RBM7: variants seen among roughly 807,000 people sequenced by gnomAD.
RBM7 encodes RNA binding motif protein 7, also known as RNA-binding protein 7.
A neutral mutation model predicts 31.0 loss-of-function variants in RBM7; 13 were observed. The observed-to-expected ratio is 0.42, with a 90% CI of 0.27 to 0.67. The LOEUF is 0.67. Among genes scored for constraint, RBM7 ranks in the 30% least tolerant of loss-of-function variants. The probability of loss-of-function intolerance (pLI) is 0.24; values close to 1 mark genes in which losing one functional copy is unlikely to be tolerated. For missense variants in RBM7, 245 were observed against 326.2 expected (o/e 0.75, Z 1.92); for synonymous variants, 106 against 111.2 (o/e 0.95, Z 0.30).
At chr11:114,407,218 G>A (rs1433033539) in intron 4 of RBM7, 5 of 407,530 alleles carry the variant, frequency 1.2e-5, no homozygotes, top group African/African-American at 6.1e-5. Flanking sequence ...TAGTCATTTT[G>A]TGTGACTTAT....
rs1331542936 is a variant in RBM7, at chr11:114,409,777, G to T, written c.*1970G>T. 6.6e-6 allele frequency: 1 copy of T among 152,304 alleles called. No individual in the cohort carries two copies. The highest frequency in any genetic ancestry group is 2.1e-4 in the South Asian group (1 of 4,826). The allele number at this position is 152,304 out of a possible 1,614,324, so 9.4% of individuals were successfully genotyped here. A position where few individuals can be genotyped will look rare whatever the true frequency, so the allele number is the denominator to read the frequency against. ...TTCAATGGCTTTTTGAGGGAAGCTT[G>T]TGAAGTTCTGGTGAATCTTCTTTTT... On this transcript the variant is annotated 3_prime_UTR_variant, in exon 5 of 5. Transcript: ENST00000375490.
chr11:114,401,505 C>A (rs984420504), intron 1 of RBM7, among the ~76,000 whole-genome samples, 193 bp from the exon 2 acceptor site: 2 of 152,184 alleles, frequency 1.3e-5, no homozygotes, highest in African/African-American at 4.8e-5. Context: ...GGGCCCCCTT[C>A]CCCAAATAAA....
intron 2 of RBM7, 94 bp from the exon 3 acceptor site, chr11:114,402,732 TTG>T: frequency 1.9e-6 from 2 of 1,065,100 alleles, no homozygotes; most frequent in South Asian, 2.6e-5. Context: ...CTCTTTTAGA[TTG>T]TGTTTACCTT....
At chr11:114,401,189 A>G (rs1946194941) in intron 1 of RBM7, among the ~76,000 whole-genome samples, 1 of 152,200 alleles carries the variant, frequency 6.6e-6, no homozygotes, top group South Asian at 2.1e-4. Flanking sequence ...TGCTTATCAA[A>G]TTGCAGCATT....
chr11:114,405,272 G>A (rs1946252261), intron 3 of RBM7, among the ~76,000 whole-genome samples: 1 of 152,188 alleles, frequency 6.6e-6, no homozygotes, highest in African/African-American at 2.4e-5. Context: ...AGTAGCCATA[G>A]ATAATACAAA....
Position 114,407,806 on chromosome 11 carries a change from AAC to A in RBM7, c.*3_*4del, listed in dbSNP as rs780640128. The stretch of plus-strand genomic sequence containing the variant: ...GGAAAATGGCGCTCATCTCGACACT[AAC>A]ACATGTTAAAAGGACATTGTTTTTA... On this transcript the variant is annotated stop_retained_variant and 3_prime_UTR_variant, in exon 5 of 5. Transcript: ENST00000375490. 1.3e-6 allele frequency: 2 copies of A among 1,598,496 alleles called. No individual in the cohort carries two copies. Among genetic ancestry groups the A allele is most frequent in the South Asian group, 2.2e-5 (2 of 89,932 alleles).
Position 114,400,701 on chromosome 11 carries a change from C to A in RBM7, c.30C>A (p.Arg10=), listed in dbSNP as rs765821265. 64 of 1,614,082 alleles carry A rather than the reference C, an allele frequency of 4.0e-5. No homozygotes were observed. Among genetic ancestry groups the A allele is most frequent in the Non-Finnish European group, 5.3e-5 (62 of 1,180,036 alleles). MGAAAAEAD[R]TLFVGNLETK... Reference sequence around the variant, plus strand: ...GGGCGGCGGCGGCGGAAGCGGATCGCACTCTCTTTGTGGGCAACCTTGAAA... The same window carrying A: ...GGGCGGCGGCGGCGGAAGCGGATCGAACTCTCTTTGTGGGCAACCTTGAAA... The change falls in exon 1 of 5, where the codon CGC becomes CGA. Residue 10 remains arginine (R), a synonymous_variant. Coordinates refer to ENST00000375490, the MANE Select transcript of RBM7 (RefSeq NM_001286045.2).
At position 114,402,816 on chromosome 11, in the gene RBM7, G is replaced by C; in HGVS notation, c.260-12G>C. 1 of 1,597,942 alleles carries C rather than the reference G, an allele frequency of 6.3e-7. No individual in the cohort carries two copies. The highest frequency in any genetic ancestry group is 8.6e-7 in the Non-Finnish European group (1 of 1,166,844). ...TCTATCAAGAATAATTTTTCAAATT[G>C]TTTCATTTTAGGAAGTAGTCATGCC... On this transcript the variant is annotated splice_polypyrimidine_tract_variant and intron_variant, in intron 2 of 4. Coordinates refer to ENST00000375490, the MANE Select transcript of RBM7 (RefSeq NM_001286045.2).
intron 3 of RBM7, among the ~76,000 whole-genome samples, chr11:114,403,288 A>G (rs1221395421): frequency 6.6e-6 from 1 of 152,194 alleles, no homozygotes; most frequent in Non-Finnish European, 1.5e-5. Flanking sequence ...AATTTATTTT[A>G]CAGTCATTAA....
intron 4 of RBM7, 94 bp downstream of exon 4, chr11:114,405,893 TTTG>T: frequency 1.1e-6 from 1 of 880,044 alleles, no homozygotes; most frequent in Non-Finnish European, 1.7e-6. Context: ...TTTAATTAAC[TTTG>T]TTAAGTTGGA....
In RBM7 at chr11:114,409,673, A is replaced by C. The variant is rs1946313631; in HGVS notation, c.*1866A>C. The C allele has an allele frequency of 6.6e-6, 1 of 152,156 alleles. No individual in the cohort carries two copies. The highest frequency in any genetic ancestry group is 2.4e-5 in the African/African-American group (1 of 41,420). The allele number at this position is 152,156 out of a possible 1,614,324, so 9.4% of individuals were successfully genotyped here. On this transcript the variant is annotated 3_prime_UTR_variant, in exon 5 of 5. Coordinates refer to ENST00000375490, the MANE Select transcript of RBM7 (RefSeq NM_001286045.2). Reference sequence around the variant, plus strand: ...TGTGAGCCACCGCGCCTGGCCTAATACTGCTTTATTACAACGTTATCTGTG... The same window carrying C: ...TGTGAGCCACCGCGCCTGGCCTAATCCTGCTTTATTACAACGTTATCTGTG...
At chr11:114,401,628 C>A (rs542760478) in intron 1 of RBM7, 70 bp from the exon 2 acceptor site, 4 of 1,229,520 alleles carry the variant, frequency 3.3e-6, no homozygotes, top group Non-Finnish European at 4.4e-6. Context: ...TTTGTCATAT[C>A]TTATTTGTAA....
chr11:114,405,942 C>A, intron 4 of RBM7, 143 bp downstream of exon 4: 1 of 543,734 alleles, frequency 1.8e-6, no homozygotes, highest in Non-Finnish European at 3.1e-6. Context: ...CGTAAGTGAA[C>A]TTTTTAGATA....
rs1435258498 is a variant in RBM7, at chr11:114,408,952, C to A, written c.*1145C>A. 6.6e-6 allele frequency: 1 copy of A among 151,010 alleles called. No homozygotes were observed. The highest frequency in any genetic ancestry group is 1.5e-5 in the Non-Finnish European group (1 of 67,818). The allele number at this position is 151,010 out of a possible 1,614,324, so 9.4% of individuals were successfully genotyped here. ...TTTTTTTTTTTTATGTCACTGACTTCAGAGACATTGTACACAAAGAATTAA... is the reference window on the plus strand; with the variant it reads ...TTTTTTTTTTTTATGTCACTGACTTAAGAGACATTGTACACAAAGAATTAA... On this transcript the variant is annotated 3_prime_UTR_variant, in exon 5 of 5. Coordinates refer to ENST00000375490, the MANE Select transcript of RBM7 (RefSeq NM_001286045.2).
In RBM7 at chr11:114,408,685, G is replaced by A. The variant is rs1315358908; in HGVS notation, c.*878G>A. On this transcript the variant is annotated 3_prime_UTR_variant, in exon 5 of 5. Coordinates refer to ENST00000375490, the MANE Select transcript of RBM7 (RefSeq NM_001286045.2). ...GACTGTGTACAAAGACACATGTAAT[G>A]GAGATTGTACAGGTTGTTTTTTTGT... The A allele has an allele frequency of 6.6e-6, 1 of 152,328 alleles. No individual in the cohort carries two copies. Among genetic ancestry groups the A allele is most frequent in the Non-Finnish European group, 1.5e-5 (1 of 68,002 alleles). 9.4% of individuals were successfully genotyped at this position (152,328 alleles called of 1,614,324 possible).
intron 3 of RBM7, 96 bp downstream of exon 3, chr11:114,403,011 C>A: frequency 9.5e-7 from 1 of 1,048,588 alleles, no homozygotes; most frequent in South Asian, 1.3e-5. Flanking sequence ...TCATTATTCT[C>A]TTATCTCTTC....
At chr11:114,400,837 C>G (rs913120483) in intron 1 of RBM7, 70 bp downstream of exon 1, 78 of 1,572,082 alleles carry the variant, frequency 5.0e-5, no homozygotes, top group Non-Finnish European at 6.3e-5. Flanking sequence ...GCGGCCACCC[C>G]GTTTTCTTTT....
chr11:114,407,320 G>A (rs2135356958), intron 4 of RBM7, 125 bp from the exon 5 acceptor site: 2 of 903,676 alleles, frequency 2.2e-6, no homozygotes, highest in South Asian at 3.4e-5. Context: ...CTATTGTACT[G>A]CTTTAGTTGT....
chr11:114,400,884 G>A, intron 1 of RBM7, 117 bp downstream of exon 1: 3 of 1,197,174 alleles, frequency 2.5e-6, no homozygotes, highest in Non-Finnish European at 3.5e-6. Flanking sequence ...GGCTGTTTGG[G>A]GGTGAAAGGC....
Sources: allele counts gnomAD v4.1 joint callset (sites outside exome capture counted in the v4.1 genomes callset), GRCh38; gene constraint gnomAD v4.1.1; transcripts MANE v1.5; gene names NCBI Gene and HGNC (gene_info 2026-07-23, HGNC 2026-07-21).